Variants in LINC00632 observed in about 807,000 individuals in gnomAD.
LINC00632 encodes ALDOA related specific transcript.
At chrX:140,727,547 C>T (rs1930983556) in intron 2 of LINC00632, among the ~76,000 whole-genome samples, 1 of 111,683 alleles carries the variant, frequency 9.0e-6, no homozygotes, top group Non-Finnish European at 1.9e-5. Flanking sequence ...CCCACCTTGG[C>T]CTCCCAAAGT....
chrX:140,746,531 G>T (rs1227591863), intron 3 of LINC00632, among the ~76,000 whole-genome samples: 3 of 112,167 alleles, frequency 2.7e-5, no homozygotes, highest in Non-Finnish European at 5.6e-5. Flanking sequence ...ATGAGAGAGG[G>T]ATCCAGTGTG....
At chrX:140,758,789 C>T (rs1931536811) in intron 3 of LINC00632, among the ~76,000 whole-genome samples, 1 of 111,406 alleles carries the variant, frequency 9.0e-6, no homozygotes, top group African/African-American at 3.3e-5. Flanking sequence ...AATGAATTAC[C>T]TCTAATGGTG....
At chrX:140,781,123 T>C (rs1448192440) in exon 5 of LINC00632, among the ~76,000 whole-genome samples, 1 of 111,386 alleles carries the variant, frequency 9.0e-6, no homozygotes, top group Non-Finnish European at 1.9e-5. Context: ...TTTCCCAGTT[T>C]TGTATGCCAG....
chrX:140,776,144 CACTT>C (rs1931867927), exon 5 of LINC00632, among the ~76,000 whole-genome samples: 1 of 111,765 alleles, frequency 8.9e-6, no homozygotes. Flanking sequence ...CAAAAGAAGA[CACTT>C]ACGCAGCCAA....
intron 3 of LINC00632, among the ~76,000 whole-genome samples, chrX:140,741,189 A>C (rs1931220506): frequency 8.9e-6 from 1 of 112,284 alleles, no homozygotes; most frequent in Admixed American, 9.5e-5. Flanking sequence ...GCAACAGTTG[A>C]AACAGTAAAG....
intron 3 of LINC00632, among the ~76,000 whole-genome samples, chrX:140,759,289 T>TTTCTTTCCTTCCTTCC (rs1358431074): frequency 2.0e-4 from 16 of 79,605 alleles, no homozygotes; most frequent in African/African-American, 7.2e-4. Context: ...TCTTTCTTTC[T>TTTCTTTCCTTCCTTCC]TTCCTTCCTT....
exon 4 of LINC00632, among the ~76,000 whole-genome samples, chrX:140,773,692 C>T (rs1931837742): frequency 1.8e-5 from 2 of 111,897 alleles, no homozygotes; most frequent in South Asian, 7.6e-4. Context: ...TGTTGTGATT[C>T]TGGACACTGC....
intron 3 of LINC00632, among the ~76,000 whole-genome samples, chrX:140,766,007 G>A (rs1214921480): frequency 2.7e-5 from 3 of 111,845 alleles, no homozygotes; most frequent in African/African-American, 9.8e-5. Flanking sequence ...TCTTCAAAAG[G>A]AAGAAAAGGG....
chrX:140,762,211 G>GAA (rs751701694), intron 3 of LINC00632, among the ~76,000 whole-genome samples: 1 of 31,948 alleles, frequency 3.1e-5, no homozygotes, highest in African/African-American at 1.2e-4. Flanking sequence ...TTTTCGAAAA[G>GAA]AGAGAGAGAG....
intron 2 of LINC00632, chrX:140,715,944 C>T (rs1184728813): frequency 1.8e-5 from 2 of 112,192 alleles, no homozygotes; most frequent in Admixed American, 9.5e-5. Context: ...TAAATCACAT[C>T]CCCCATACTT....
rs762138338 is a variant in LINC00632, at chrX:140,777,296, TTAATAA to T, written n.5320_5325del. On this transcript the variant is annotated non_coding_transcript_exon_variant, in exon 5 of 5. Coordinates refer to ENST00000648200, the Ensembl canonical transcript of LINC00632. ...ACGTTCTGCACATGTATCTTGGAACTTAATAATAATTTTAAAAAGGGCTTGCTTGCA... is the reference window on the plus strand; with the variant it reads ...ACGTTCTGCACATGTATCTTGGAACTTAATTTTAAAAAGGGCTTGCTTGCA... Among the ~76,000 whole-genome samples the T allele has an allele frequency of 8.9e-5, 10 of 112,269 alleles. No individual in the cohort carries two copies. The South Asian group carries it at 1.5e-3, about 17-fold the overall frequency.
chrX:140,761,288 C>A (rs189622572), intron 3 of LINC00632, among the ~76,000 whole-genome samples: 1 of 112,539 alleles, frequency 8.9e-6, no homozygotes, highest in African/African-American at 3.2e-5. Context: ...ACCTTTGGTT[C>A]ATTTAATCTG....
At chrX:140,753,364 C>T (rs903584143) in intron 3 of LINC00632, among the ~76,000 whole-genome samples, 14 of 111,735 alleles carry the variant, frequency 1.3e-4, no homozygotes, top group African/African-American at 4.2e-4. Flanking sequence ...TTTGTAACTT[C>T]GTGAAACATC....
rs1487284824 is a variant in LINC00632, at chrX:140,782,903, C to G, written n.10922C>G. ...TAAATATGTCAATATCCATGCTTACCAATGTCTCCCAATATCCAGGGCTTC... is the reference window on the plus strand; with the variant it reads ...TAAATATGTCAATATCCATGCTTACGAATGTCTCCCAATATCCAGGGCTTC... On this transcript the variant is annotated non_coding_transcript_exon_variant, in exon 5 of 5. Transcript: ENST00000648200. The G allele has an allele frequency of 2.7e-5, 3 of 111,703 alleles. No individual in the cohort carries two copies. The East Asian group carries it at 8.4e-4, about 31-fold the overall frequency. The allele number at this position is 111,703 out of a possible 1,213,427, so 9.2% of individuals were successfully genotyped here.
exon 5 of LINC00632, among the ~76,000 whole-genome samples, chrX:140,781,774 T>A (rs977906740): frequency 8.9e-6 from 1 of 111,996 alleles, no homozygotes; most frequent in Non-Finnish European, 1.9e-5. Flanking sequence ...CCATTTTTTT[T>A]AAGTAAAGTT....
chrX:140,742,743 G>A (rs187669824), intron 3 of LINC00632, among the ~76,000 whole-genome samples: 1 of 107,311 alleles, frequency 9.3e-6, no homozygotes. Flanking sequence ...TCTAAAATAC[G>A]TATATGGAAA....
chrX:140,787,893 A>G (rs1602760999), exon 5 of LINC00632, among the ~76,000 whole-genome samples: 1 of 110,346 alleles, frequency 9.1e-6, no homozygotes, highest in East Asian at 2.8e-4. Context: ...GTTAGTAGTA[A>G]AAGTCCCAAA....
chrX:140,789,992 G>GAT (rs1932083253), exon 5 of LINC00632, among the ~76,000 whole-genome samples: 1 of 110,832 alleles, frequency 9.0e-6, no homozygotes, highest in African/African-American at 3.3e-5. Flanking sequence ...TTCATATTTA[G>GAT]ATAGGCTTCT....
chrX:140,774,808 T>C (rs926581820), exon 5 of LINC00632, among the ~76,000 whole-genome samples: 1 of 111,486 alleles, frequency 9.0e-6, no homozygotes, highest in Non-Finnish European at 1.9e-5. Flanking sequence ...GCCTCATTTT[T>C]TCCTAAAAAG....
Sources: gnomAD v4.1 joint callset for allele counts (sites outside exome capture counted in the v4.1 genomes callset) on GRCh38, gnomAD v4.1.1 for gene constraint, MANE v1.5 for transcripts, NCBI Gene and HGNC (gene_info 2026-07-23, HGNC 2026-07-21) for gene names.